Variants in PIGG observed in about 807,000 individuals in gnomAD.
The protein encoded by PIGG is phosphatidylinositol glycan anchor biosynthesis class G (EMM blood group).
PIGG carries 70 observed loss-of-function variants against 83.2 expected under a neutral mutation model. The observed-to-expected ratio is 0.84, with a 90% CI of 0.69 to 1.03. PIGG has a LOEUF of 1.03. Ranked by LOEUF, PIGG falls within the 50% of genes least tolerant of loss-of-function variation. PIGG has a pLI of 0.00. For missense variants in PIGG, 1,257 were observed against 1,233.6 expected, an observed-to-expected ratio of 1.02 and a Z score of -0.28; for synonymous variants, 532 against 519.5, an observed-to-expected ratio of 1.02 and a Z score of -0.33.
chr4:516,208 G>T (rs914458774), intron 6 of PIGG, 23 bp downstream of exon 6: 1 of 1,540,486 alleles, frequency 6.5e-7, no homozygotes, highest in Non-Finnish European at 9.0e-7. Flanking sequence ...ACCGTTTCGA[G>T]CTCTGTCAGA....
rs921678414 is a variant in PIGG at position 539,223 on chromosome 4, G to A, written c.2806G>A (p.Val936Ile). Residue 936 changes from valine to isoleucine, a missense_variant, in exon 13 of 13, where the codon GTT (valine) becomes ATT (isoleucine). By Grantham distance (29) the Val-to-Ile change is conservative (BLOSUM62 3). Coordinates refer to ENST00000453061, the MANE Select transcript of PIGG (RefSeq NM_001127178.3). The part of the protein sequence containing the change: ...ICSIPVFTYI[V>I]LVTSLRYHLF... The stretch of plus-strand genomic sequence containing the variant: ...TTCTATTCCAGTTTTCACGTACATC[G>A]TTTTGGTGACATCTCTGCGTTATCA... The A allele has an allele frequency of 2.7e-5, 44 of 1,613,066 alleles. No homozygotes were observed. The highest frequency in any genetic ancestry group is 3.4e-5 in the Non-Finnish European group (40 of 1,179,162).
intron 12 of PIGG, among the ~76,000 whole-genome samples, chr4:535,769 C>T (rs142199530): frequency 1.3e-5 from 2 of 152,300 alleles, no homozygotes; most frequent in Admixed American, 6.5e-5. Flanking sequence ...CCCGCTCCGC[C>T]CTCTGGCTTC....
chr4:512,216 C>CTTT (rs781786642), intron 5 of PIGG, among the ~76,000 whole-genome samples: 18 of 114,290 alleles, frequency 1.6e-4, no homozygotes, highest in South Asian at 2.7e-4. Context: ...AGTTATCATA[C>CTTT]TTTTTTTTTT....
At chr4:505,241 G>A (rs1268418790) in intron 2 of PIGG, among the ~76,000 whole-genome samples, 3 of 151,918 alleles carry the variant, frequency 2.0e-5, no homozygotes, top group South Asian at 2.1e-4. Flanking sequence ...AAGATTATTA[G>A]GAGCCATGAA....
chr4:508,262 A>G (rs1720549209), intron 4 of PIGG, among the ~76,000 whole-genome samples: 3 of 152,170 alleles, frequency 2.0e-5, no homozygotes, highest in Admixed American at 6.5e-5. Context: ...GGGTGAGCAG[A>G]GACTTGAAGG....
intron 7 of PIGG, 66 bp downstream of exon 7, chr4:521,339 T>C (rs1725813115): frequency 2.1e-6 from 2 of 963,984 alleles, no homozygotes; most frequent in Non-Finnish European, 3.1e-6. Context: ...CAAATATTTA[T>C]AGTTTTAAAT....
chr4:534,787 C>G (rs752908879), intron 12 of PIGG, among the ~76,000 whole-genome samples: 1 of 151,966 alleles, frequency 6.6e-6, no homozygotes, highest in African/African-American at 2.4e-5. Flanking sequence ...CAGATGTCCC[C>G]GGGGGATCCC....
rs370828033 is a variant in PIGG at position 501,478 on chromosome 4, G to A, written c.360+877G>A. 73 of 238,750 alleles carry A rather than the reference G, an allele frequency of 3.1e-4. 1 individual carries two copies. Among genetic ancestry groups the A allele is most frequent in the African/African-American group, 1.6e-3 (71 of 43,390 alleles). 14.8% of individuals were successfully genotyped at this position (238,750 alleles called of 1,614,324 possible). A position where few individuals can be genotyped will look rare whatever the true frequency, so the allele number is the denominator to read the frequency against. On this transcript the variant is annotated intron_variant, in intron 2 of 12. Transcript: ENST00000453061. ...AAGGAGCAGAGGGGTTGAAGTGTGT[G>A]AGTGTATCGCATGTGAGCGTGGCAT...
At chr4:499,701 G>A in intron 1 of PIGG, 1 of 1,395,420 alleles carries the variant, frequency 7.2e-7, no homozygotes. Flanking sequence ...GCCCCACTTC[G>A]ACCTTCCTTC....
rs191529033 is a variant in PIGG, at chr4:528,506, G to A, written c.2261+1276G>A. 735 of 985,338 alleles carry A rather than the reference G, an allele frequency of 7.5e-4. 4 individuals carry two copies. In the African/African-American group the frequency reaches 0.012, roughly 16 times the overall value. The allele number at this position is 985,338 out of a possible 1,614,324, so 61.0% of individuals were successfully genotyped here. On this transcript the variant is annotated intron_variant, in intron 10 of 12. Coordinates refer to ENST00000453061, the MANE Select transcript of PIGG (RefSeq NM_001127178.3). The surrounding 1 kb of genome is among the most constrained non-coding windows in gnomAD (Gnocchi z 4.8). ...GGGGTGGGAGTTAGGGTGACCTGAG[G>A]CCTGGCTGAGGCAGTGAGAGTGTAG... is the stretch of plus-strand genomic sequence containing the variant.
chr4:535,583 G>A (rs1305894672), intron 12 of PIGG, among the ~76,000 whole-genome samples: 7 of 152,134 alleles, frequency 4.6e-5, no homozygotes, highest in Non-Finnish European at 8.8e-5. Flanking sequence ...CAGGGAGCGC[G>A]CTGTGGCCTC....
intron 3 of PIGG, among the ~76,000 whole-genome samples, chr4:506,363 G>A (rs1434870832): frequency 1.3e-5 from 2 of 152,308 alleles, no homozygotes; most frequent in South Asian, 2.1e-4. Flanking sequence ...GCAGGTGGCC[G>A]ACTGGGTGGG....
Position 523,330 on chromosome 4 carries a change from C to A in PIGG, c.1615-129C>A, listed in dbSNP as rs975680286. On this transcript the variant is annotated intron_variant, in intron 8 of 12. Transcript: ENST00000453061. ...AGGGGGCTGTTCCAGAGTAGGGGCC[C>A]AGGTGCTGGGTGTGAGGAACAATGG... The A allele has an allele frequency of 3.6e-5, 26 of 728,690 alleles. No individual in the cohort carries two copies. In the Admixed American group the frequency reaches 5.9e-4, roughly 17 times the overall value. 45.1% of individuals were successfully genotyped at this position (728,690 alleles called of 1,614,324 possible).
In PIGG at chr4:499,485, G is replaced by C. The variant is rs545690497; in HGVS notation, c.150G>C (p.Ser50=). 1 of 1,595,796 alleles carries C rather than the reference G, an allele frequency of 6.3e-7. No homozygotes were observed. The highest frequency in any genetic ancestry group is 1.3e-5 in the African/African-American group (1 of 74,678). Residue 50 remains serine, a synonymous_variant, in exon 1 of 13, where the codon TCG becomes TCC. Transcript: ENST00000453061. ...CGGAGCCCCCAGCGCCCGAACCCTC[G>C]GCTGGTACGGACCCCTCCCCGGCGT... ...HGAEPPAPEP[S]AGASSNWTTL... is the part of the protein sequence containing the mutation.
intron 6 of PIGG, among the ~76,000 whole-genome samples, chr4:518,587 C>T (rs1009427285): frequency 2.0e-5 from 3 of 152,090 alleles, no homozygotes; most frequent in African/African-American, 7.2e-5. Context: ...AGCGAGACTC[C>T]ATCTCAAAAA....
chr4:527,950 G>A, intron 10 of PIGG: 1 of 985,290 alleles, frequency 1.0e-6, no homozygotes, highest in Non-Finnish European at 1.2e-6. Context: ...CAGGAGCCTG[G>A]GATGGGACAG....
chr4:499,748 ATCCAGCCTCTCCAC>A, intron 1 of PIGG: 1 of 1,325,338 alleles, frequency 7.5e-7, no homozygotes, highest in Non-Finnish European at 9.6e-7. Context: ...CATACCTGGG[ATCCAGCCTCTCCAC>A]TTCTACTCGT....
At position 509,656 on chromosome 4, in the gene PIGG, C is replaced by G. The variant is rs1229395920; in HGVS notation, c.901+686C>G. Among the ~76,000 whole-genome samples, 37 of 152,248 alleles carry G rather than the reference C, an allele frequency of 2.4e-4. 3 individuals are homozygous for G. ...CTTCAGCACCCTTAGTGCTGCTGGT[C>G]CCGTAGCTTCTGGGACCTCACATCT... On this transcript the variant is annotated intron_variant, in intron 5 of 12. Transcript: ENST00000453061.
At chr4:507,679 GGTGCCT>G in intron 4 of PIGG, 86 bp downstream of exon 4, 1 of 1,212,956 alleles carries the variant, frequency 8.2e-7, no homozygotes, top group South Asian at 1.5e-5. Flanking sequence ...AGTTATTCAG[GGTGCCT>G]GTGTGAATGT....
Sources: gnomAD v4.1 joint callset for allele counts (sites outside exome capture counted in the v4.1 genomes callset) on GRCh38, gnomAD v4.1.1 for gene constraint, Gnocchi (gnomAD v3.1) non-coding constraint, MANE v1.5 for transcripts, NCBI Gene and HGNC (gene_info 2026-07-23, HGNC 2026-07-21) for gene names.